Variants in CYSTM1 observed in about 807,000 individuals in gnomAD.
The protein encoded by CYSTM1 is cysteine-rich transmembrane module-containing protein 1.
Under a neutral mutation model 13.1 loss-of-function variants are expected in CYSTM1, and 4 were observed. The observed-to-expected ratio is 0.31, with a 90% CI of 0.15 to 0.70. The LOEUF is 0.70. Among genes scored for constraint, CYSTM1 ranks in the 30% least tolerant of loss-of-function variants. The probability of loss-of-function intolerance (pLI) is 0.72; values close to 1 mark genes in which losing one functional copy is unlikely to be tolerated. For synonymous variants in CYSTM1, 36 were observed against 42.7 expected (o/e 0.84, Z 0.62); for missense variants, 96 against 121.6 (o/e 0.79, Z 0.99).
chr5:140,199,376 T>C (rs1487506086), intron 2 of CYSTM1, among the ~76,000 whole-genome samples: 1 of 152,220 alleles, frequency 6.6e-6, no homozygotes, highest in Non-Finnish European at 1.5e-5. Flanking sequence ...CTTGAGGAAT[T>C]ACCACACTGT....
intron 2 of CYSTM1, among the ~76,000 whole-genome samples, chr5:140,216,897 C>T (rs565891660): frequency 6.6e-6 from 1 of 152,046 alleles, no homozygotes; most frequent in East Asian, 1.9e-4. Context: ...GACACACACA[C>T]ACACACAAAG....
At chr5:140,195,593 C>T (rs1024824949) in intron 2 of CYSTM1, among the ~76,000 whole-genome samples, 14 of 151,718 alleles carry the variant, frequency 9.2e-5, no homozygotes, top group Non-Finnish European at 1.9e-4. Flanking sequence ...AGGCGCCTGC[C>T]ACCACGCCCG....
At chr5:140,209,038 CAAAA>C (rs58604987) in intron 2 of CYSTM1, among the ~76,000 whole-genome samples, 1 of 91,396 alleles carries the variant, frequency 1.1e-5, no homozygotes, top group Non-Finnish European at 2.3e-5. Flanking sequence ...GACTCCATCT[CAAAA>C]AAAAAAAAAA....
chr5:140,209,717 C>T (rs1450227821), intron 2 of CYSTM1, among the ~76,000 whole-genome samples: 2 of 152,102 alleles, frequency 1.3e-5, no homozygotes, highest in African/African-American at 2.4e-5. Context: ...CGTGAGCCAC[C>T]GTGCCCAGTA....
At chr5:140,227,012 C>T (rs927032151) in intron 2 of CYSTM1, among the ~76,000 whole-genome samples, 7 of 151,994 alleles carry the variant, frequency 4.6e-5, no homozygotes, top group South Asian at 2.1e-4. Flanking sequence ...GAGGAGAAAG[C>T]GGAGTATGAT....
intron 1 of CYSTM1, among the ~76,000 whole-genome samples, chr5:140,189,366 C>T (rs1040809325): frequency 1.3e-5 from 2 of 151,568 alleles, no homozygotes; most frequent in Non-Finnish European, 1.5e-5. Flanking sequence ...CCTGCTTCAC[C>T]CTTTGTCTTC....
At position 140,194,602 on chromosome 5, in the gene CYSTM1, A is replaced by G; in HGVS notation, c.137A>G (p.Tyr46Cys). ...PPPQGYPYQGYPQYGWQGGPQ... is the reference protein window; with the variant it reads ...PPPQGYPYQGCPQYGWQGGPQ... ...CCTCAAGGGTACCCCTACCAAGGATACCCACAGTACGGCTGGCAGGGTGGA... is the reference window on the plus strand; with the variant it reads ...CCTCAAGGGTACCCCTACCAAGGATGCCCACAGTACGGCTGGCAGGGTGGA... The change falls in exon 2 of 3, where the codon TAC (tyrosine) becomes TGC (cysteine). Residue 46 changes from tyrosine (Y) to cysteine (C), a missense_variant. Tyr to Cys is a radical substitution (Grantham distance 194). Coordinates refer to ENST00000261811, the MANE Select transcript of CYSTM1 (RefSeq NM_032412.4). 6.2e-7 allele frequency: 1 copy of G among 1,613,536 alleles called. No individual in the cohort carries two copies. The highest frequency in any genetic ancestry group is 8.5e-7 in the Non-Finnish European group (1 of 1,179,694).
chr5:140,180,094 T>G (rs1248455714), intron 1 of CYSTM1, among the ~76,000 whole-genome samples: 1 of 152,136 alleles, frequency 6.6e-6, no homozygotes, highest in African/African-American at 2.4e-5. Flanking sequence ...AGCAAGAGTA[T>G]TATCAGAAAG....
At chr5:140,179,453 G>A (rs1482359517) in intron 1 of CYSTM1, among the ~76,000 whole-genome samples, 2 of 150,974 alleles carry the variant, frequency 1.3e-5, no homozygotes, top group African/African-American at 2.4e-5. Context: ...CAGCTAAGTC[G>A]GGAGGCTGAG....
chr5:140,191,904 G>A (rs534666179), intron 1 of CYSTM1, among the ~76,000 whole-genome samples: 16 of 152,170 alleles, frequency 1.1e-4, no homozygotes, highest in Admixed American at 5.2e-4. Context: ...GAAATAAAAT[G>A]CATTTGCTTT....
Position 140,176,259 on chromosome 5 carries a change from C to T in CYSTM1, c.-21+974C>T, listed in dbSNP as rs183277676. On this transcript the variant is annotated intron_variant, in intron 1 of 2. Transcript: ENST00000261811. ...CCGGCAAAAAGGTGACAACACTCTT[C>T]TCTGATGGGATTCCTCAAACCCTGC... Among the ~76,000 whole-genome samples, 5 of 152,276 alleles carry T rather than the reference C, an allele frequency of 3.3e-5. No individual in the cohort carries two copies. In the East Asian group the frequency reaches 5.8e-4, roughly 18 times the overall value.
intron 2 of CYSTM1, among the ~76,000 whole-genome samples, chr5:140,221,532 GT>G (rs1486072212): frequency 1.3e-5 from 2 of 152,214 alleles, no homozygotes; most frequent in Non-Finnish European, 2.9e-5. Context: ...CATCCATGCT[GT>G]AGCGTGTGTC....
chr5:140,184,544 G>T (rs904095023), intron 1 of CYSTM1, among the ~76,000 whole-genome samples: 1 of 152,126 alleles, frequency 6.6e-6, no homozygotes, highest in South Asian at 2.1e-4. Context: ...AAGAAAAAAG[G>T]ATAGACCCGC....
chr5:140,193,173 T>C (rs1764112724), intron 1 of CYSTM1, among the ~76,000 whole-genome samples: 1 of 152,222 alleles, frequency 6.6e-6, no homozygotes, highest in East Asian at 1.9e-4. Flanking sequence ...AAGTTAACTA[T>C]TGATGTAAGA....
intron 1 of CYSTM1, among the ~76,000 whole-genome samples, chr5:140,187,104 C>T (rs577546492): frequency 6.6e-5 from 10 of 151,804 alleles, no homozygotes; most frequent in Admixed American, 4.6e-4. Flanking sequence ...CCAGCCTGGG[C>T]GACAAAGTGA....
intron 1 of CYSTM1, among the ~76,000 whole-genome samples, chr5:140,181,380 C>T (rs1472502499): frequency 2.6e-5 from 4 of 152,210 alleles, no homozygotes; most frequent in Admixed American, 6.5e-5. Context: ...AATCTTTGAT[C>T]GCAGTTTCTG....
chr5:140,189,042 G>T (rs1482596913), intron 1 of CYSTM1, among the ~76,000 whole-genome samples: 1 of 152,060 alleles, frequency 6.6e-6, no homozygotes, highest in Admixed American at 6.5e-5. Flanking sequence ...TCATAAATTT[G>T]TTTTGGTATC....
intron 2 of CYSTM1, among the ~76,000 whole-genome samples, chr5:140,240,173 C>CCG (rs1287615630): frequency 1.1e-5 from 1 of 89,428 alleles, no homozygotes; most frequent in African/African-American, 4.3e-5. Context: ...CATCCCAGCA[C>CCG]CCCCCCACTG....
intron 2 of CYSTM1, among the ~76,000 whole-genome samples, chr5:140,241,838 A>G (rs1349178110): frequency 6.6e-6 from 1 of 152,172 alleles, no homozygotes; most frequent in African/African-American, 2.4e-5. Context: ...CTGTAGCCCC[A>G]GTCACCTCTG....
Sources: gnomAD v4.1 joint callset for allele counts (sites outside exome capture counted in the v4.1 genomes callset) on GRCh38, gnomAD v4.1.1 for gene constraint, MANE v1.5 for transcripts, NCBI Gene and HGNC (gene_info 2026-07-23, HGNC 2026-07-21) for gene names.